ABCC11: variants seen among roughly 807,000 people sequenced by gnomAD.
The protein encoded by ABCC11 is ATP-binding cassette sub-family C member 11.
A neutral mutation model predicts 149.3 loss-of-function variants in ABCC11; 135 were observed. That is an observed-to-expected ratio of 0.90 (90% CI 0.79 to 1.04). ABCC11 has a LOEUF of 1.04. Ranked by LOEUF, ABCC11 falls within the 50% of genes least tolerant of loss-of-function variation. ABCC11 has a pLI of 0.00. For synonymous variants in ABCC11, 665 were observed against 671.4 expected, an observed-to-expected ratio of 0.99 and a Z score of 0.15; for missense variants, 1,680 against 1,722.1, an observed-to-expected ratio of 0.98 and a Z score of 0.43.
intron 10 of ABCC11, 75 bp from the exon 11 acceptor site, chr16:48,211,274 C>A: frequency 2.0e-6 from 3 of 1,523,584 alleles, no homozygotes; most frequent in Admixed American, 1.8e-5. Context: ...CCCAGTTTTA[C>A]AAGTCTGCCA....
At chr16:48,213,944 G>A (rs1311822547) in intron 9 of ABCC11, among the ~76,000 whole-genome samples, 1 of 152,154 alleles carries the variant, frequency 6.6e-6, no homozygotes, top group Non-Finnish European at 1.5e-5. Flanking sequence ...TTGCTGTCAA[G>A]GTCCTATTTC....
At position 48,222,646 on chromosome 16, in the gene ABCC11, A is replaced by T. The variant is rs765130223; in HGVS notation, c.729T>A (p.Phe243Leu). ...RFRAAVSSFAFEKLIQFKSVI... is the reference protein window; with the variant it reads ...RFRAAVSSFALEKLIQFKSVI... ...CAGACTTAAATTGGATGAGCTTCTC[A>T]AAGGCAAAGGAGGAAACAGCTGCTC... is the stretch of plus-strand genomic sequence containing the variant. The change falls in exon 6 of 30, where the codon TTT becomes TTA. Residue 243 changes from phenylalanine to leucine, a missense_variant. Coordinates refer to ENST00000356608, the MANE Select transcript of ABCC11 (RefSeq NM_001370497.1). 1.9e-6 allele frequency: 3 copies of T among 1,614,188 alleles called. No individual in the cohort carries two copies. The Admixed American group carries it at 5.0e-5, about 27-fold the overall frequency.
intron 6 of ABCC11, among the ~76,000 whole-genome samples, chr16:48,220,577 G>A (rs776668359): frequency 5.3e-5 from 8 of 152,120 alleles, no homozygotes; most frequent in African/African-American, 1.4e-4. Context: ...CACTACCCCC[G>A]TCTACATGCT....
chr16:48,232,120 T>C, intron 1 of ABCC11, 181 bp from the exon 2 acceptor site: 1 of 1,341,628 alleles, frequency 7.5e-7, no homozygotes, highest in Non-Finnish European at 9.6e-7. Context: ...TTTTTAAACA[T>C]CTTCTCAGGC....
intron 17 of ABCC11, among the ~76,000 whole-genome samples, chr16:48,197,617 T>C (rs1967550048): frequency 6.6e-6 from 1 of 152,208 alleles, no homozygotes; most frequent in Non-Finnish European, 1.5e-5. Flanking sequence ...CCCTAATACC[T>C]TTGCTCTCAA....
At chr16:48,186,868 T>C (rs1168060791) in intron 22 of ABCC11, 85 bp downstream of exon 22, 72 of 1,513,666 alleles carry the variant, frequency 4.8e-5, no homozygotes, top group Non-Finnish European at 6.4e-5. Context: ...TTGAAGATGA[T>C]GCCACTCCCA....
chr16:48,223,580 C>G (rs1470023147), intron 5 of ABCC11: 1 of 152,852 alleles, frequency 6.5e-6, no homozygotes, highest in African/African-American at 2.4e-5. Flanking sequence ...GTAGCTGGTA[C>G]CAGTGCCTCA....
chr16:48,208,316 C>T (rs1968617280), intron 12 of ABCC11, 109 bp downstream of exon 12: 1 of 1,207,438 alleles, frequency 8.3e-7, no homozygotes, highest in African/African-American at 1.5e-5. Flanking sequence ...CCCACTTGCT[C>T]AGACCCCTGT....
intron 1 of ABCC11, among the ~76,000 whole-genome samples, chr16:48,241,276 T>C (rs971241190): frequency 6.6e-6 from 1 of 152,150 alleles, no homozygotes; most frequent in Non-Finnish European, 1.5e-5. Context: ...AAAATGCATA[T>C]CATTGATCTA....
At position 48,187,281 on chromosome 16, in the gene ABCC11, G is replaced by A. The variant is rs113674902; in HGVS notation, c.2853C>T (p.Val951=). ...GAGACAGCACACTGACAATCAACAG[G>A]ACGGCGATCACCATTAAGGACAGGA... ...FLVLSLMVIA[V]LLIVSVLSPY... is the part of the protein sequence containing the mutation. The change falls in exon 21 of 30, where the codon GTC becomes GTT. Residue 951 remains valine (V), a synonymous_variant. Coordinates refer to ENST00000356608, the MANE Select transcript of ABCC11 (RefSeq NM_001370497.1). 9 of 1,614,162 alleles carry A rather than the reference G, an allele frequency of 5.6e-6. No homozygotes were observed. The highest frequency in any genetic ancestry group is 5.3e-5 in the African/African-American group (4 of 75,052).
chr16:48,242,909 A>AG (rs1408013803), intron 1 of ABCC11, among the ~76,000 whole-genome samples: 3 of 146,774 alleles, frequency 2.0e-5, no homozygotes, highest in Non-Finnish European at 3.0e-5. Context: ...GGTGGTGGGG[A>AG]GTGGGGGGGA....
intron 23 of ABCC11, among the ~76,000 whole-genome samples, chr16:48,180,156 C>A (rs951083288): frequency 3.3e-5 from 5 of 152,236 alleles, no homozygotes; most frequent in African/African-American, 9.6e-5. Flanking sequence ...TAATTCTACT[C>A]CTCTTGCCAG....
Position 48,167,256 on chromosome 16 carries a change from T to G in ABCC11, c.*18A>C. 1 of 789,082 alleles carries G rather than the reference T, an allele frequency of 1.3e-6. No homozygotes were observed. The highest frequency in any genetic ancestry group is 1.3e-5 in the South Asian group (1 of 74,784). The allele number at this position is 789,082 out of a possible 1,614,324, so 48.9% of individuals were successfully genotyped here. The stretch of plus-strand genomic sequence containing the variant: ...CTCTGAGCTCAGCTGCCAGCCTCCA[T>G]GAAGTCTCCACATCTCCTTATCTCA... On this transcript the variant is annotated 3_prime_UTR_variant, in exon 30 of 30. Coordinates refer to ENST00000356608, the MANE Select transcript of ABCC11 (RefSeq NM_001370497.1).
At chr16:48,181,981 G>A (rs1028463399) in intron 23 of ABCC11, among the ~76,000 whole-genome samples, 25 of 152,200 alleles carry the variant, frequency 1.6e-4, no homozygotes, top group African/African-American at 5.3e-4. Context: ...GCCTGGAAGA[G>A]AGCACGGCCA....
intron 24 of ABCC11, among the ~76,000 whole-genome samples, chr16:48,177,484 C>G (rs975897322): frequency 6.6e-6 from 1 of 152,258 alleles, no homozygotes; most frequent in African/African-American, 2.4e-5. Context: ...TAATCTCTCT[C>G]TATCCTCATC....
At position 48,178,693 on chromosome 16, in the gene ABCC11, G is replaced by A. The variant is rs2150740522; in HGVS notation, c.3259-7C>T. Reference sequence around the variant, plus strand: ...CCTGGAAGCTGGACGCCAGCTAGAAGGAAGGAGAAGTATCGGGGGTCAAGA... The same window carrying A: ...CCTGGAAGCTGGACGCCAGCTAGAAAGAAGGAGAAGTATCGGGGGTCAAGA... On this transcript the variant is annotated splice_region_variant and splice_polypyrimidine_tract_variant and intron_variant, in intron 23 of 29. Coordinates refer to ENST00000356608, the MANE Select transcript of ABCC11 (RefSeq NM_001370497.1). 6.2e-7 allele frequency: 1 copy of A among 1,614,026 alleles called. No homozygotes were observed. The highest frequency in any genetic ancestry group is 8.5e-7 in the Non-Finnish European group (1 of 1,179,926).
At chr16:48,224,136 G>A in intron 5 of ABCC11, 146 bp downstream of exon 5, 9 of 1,094,934 alleles carry the variant, frequency 8.2e-6, no homozygotes, top group Non-Finnish European at 1.2e-5. Flanking sequence ...ATGCTCTACT[G>A]TCCTCAAAAG....
At position 48,170,828 on chromosome 16, in the gene ABCC11, G is replaced by A. The variant is rs1965669529; in HGVS notation, c.3777+61C>T. 7 of 1,479,642 alleles carry A rather than the reference G, an allele frequency of 4.7e-6. No homozygotes were observed. The South Asian group carries it at 6.9e-5, about 15-fold the overall frequency. 91.7% of individuals were successfully genotyped at this position (1,479,642 alleles called of 1,614,324 possible). On this transcript the variant is annotated intron_variant, in intron 27 of 29. Coordinates refer to ENST00000356608, the MANE Select transcript of ABCC11 (RefSeq NM_001370497.1). Reference sequence around the variant, plus strand: ...AACACCACATGAGAGGAGCCCCAAAGGGGCAGCCCCCCATGGGCGATGCAG... The same window carrying A: ...AACACCACATGAGAGGAGCCCCAAAAGGGCAGCCCCCCATGGGCGATGCAG...
chr16:48,180,215 T>G (rs1966342523), intron 23 of ABCC11, among the ~76,000 whole-genome samples: 1 of 152,246 alleles, frequency 6.6e-6, no homozygotes, highest in African/African-American at 2.4e-5. Flanking sequence ...CGTTGAAGGA[T>G]GAGAAGGCAT....
Sources: allele counts gnomAD v4.1 joint callset (sites outside exome capture counted in the v4.1 genomes callset), GRCh38; gene constraint gnomAD v4.1.1; transcripts MANE v1.5; gene names NCBI Gene and HGNC (gene_info 2026-07-23, HGNC 2026-07-21).